Variants in GDPD1 observed in about 807,000 individuals in gnomAD.
GDPD1 encodes lysophospholipase D GDPD1.
Under a neutral mutation model 45.1 loss-of-function variants are expected in GDPD1, and 28 were observed. That is an observed-to-expected ratio of 0.62 (90% CI 0.46 to 0.85). The LOEUF is 0.85. GDPD1 is among the 40% of genes least tolerant of loss of function. The probability of loss-of-function intolerance (pLI) is 0.00; values close to 1 mark genes in which losing one functional copy is unlikely to be tolerated. For missense variants in GDPD1, 256 were observed against 364.8 expected (o/e 0.70, Z 2.43); for synonymous variants, 139 against 131.4 (o/e 1.06, Z -0.40).
At chr17:59,251,594 G>T (rs1568345246) in intron 4 of GDPD1, among the ~76,000 whole-genome samples, 6 of 151,738 alleles carry the variant, frequency 4.0e-5, no homozygotes. Flanking sequence ...ACATCTGAAA[G>T]AAATAATAAT....
intron 6 of GDPD1, among the ~76,000 whole-genome samples, chr17:59,264,788 C>G (rs551071722): frequency 2.9e-4 from 44 of 152,062 alleles, no homozygotes; most frequent in Admixed American, 2.3e-3. Flanking sequence ...AACTTATTTA[C>G]TCTATTTTTT....
At chr17:59,255,024 A>T (rs1053094902) in intron 4 of GDPD1, among the ~76,000 whole-genome samples, 1 of 152,158 alleles carries the variant, frequency 6.6e-6, no homozygotes, top group Non-Finnish European at 1.5e-5. Context: ...TACAAGAAGT[A>T]TAGTAACAGA....
rs2047462319 is a variant in GDPD1, at chr17:59,274,026, A to G, written c.*253A>G. On this transcript the variant is annotated 3_prime_UTR_variant, in exon 10 of 10. Coordinates refer to ENST00000284116, the MANE Select transcript of GDPD1 (RefSeq NM_182569.4). ...ATGAGATGTAAGTTTTAATTTCTTA[A>G]TGTGCATTTTTGTTTCTAGATCTTA... 2 of 727,794 alleles carry G rather than the reference A, an allele frequency of 2.7e-6. No individual in the cohort carries two copies. The highest frequency in any genetic ancestry group is 3.4e-6 in the Non-Finnish European group (2 of 594,080). 45.1% of individuals were successfully genotyped at this position (727,794 alleles called of 1,614,324 possible).
intron 1 of GDPD1, among the ~76,000 whole-genome samples, chr17:59,222,167 G>A (rs953850566): frequency 2.6e-5 from 4 of 151,962 alleles, no homozygotes; most frequent in African/African-American, 7.2e-5. Context: ...TGTCACAGAA[G>A]CAATTTTCTT....
At chr17:59,225,160 C>T (rs1177932200) in intron 1 of GDPD1, among the ~76,000 whole-genome samples, 2 of 140,728 alleles carry the variant, frequency 1.4e-5, no homozygotes, top group African/African-American at 5.3e-5. Flanking sequence ...GGTATGATCT[C>T]GGCTCACTGC....
At chr17:59,268,903 T>G (rs1354855549) in intron 7 of GDPD1, among the ~76,000 whole-genome samples, 1 of 147,912 alleles carries the variant, frequency 6.8e-6, no homozygotes, top group African/African-American at 2.5e-5. Flanking sequence ...TTAGCCAGGC[T>G]CGCCTGAACA....
At chr17:59,264,350 G>T (rs1397631912) in intron 6 of GDPD1, among the ~76,000 whole-genome samples, 1 of 151,606 alleles carries the variant, frequency 6.6e-6, no homozygotes, top group East Asian at 1.9e-4. Flanking sequence ...CTGGGGTGCA[G>T]TGGCACGATC....
At position 59,275,230 on chromosome 17, in the gene GDPD1, G is replaced by T. The variant is rs190012675; in HGVS notation, c.*1457G>T. On this transcript the variant is annotated 3_prime_UTR_variant, in exon 10 of 10. Coordinates refer to ENST00000284116, the MANE Select transcript of GDPD1 (RefSeq NM_182569.4). ...CTTAGTTAAAGAGGAAAAATAAAAC[G>T]GAAAAAAGCTTGGAAATCAGTGATG... 6.6e-7 allele frequency: 1 copy of T among 1,522,684 alleles called. No homozygotes were observed. Among genetic ancestry groups the T allele is most frequent in the Non-Finnish European group, 8.8e-7 (1 of 1,134,304 alleles). 94.3% of individuals were successfully genotyped at this position (1,522,684 alleles called of 1,614,324 possible).
chr17:59,249,503 T>A (rs2047237282), intron 4 of GDPD1, among the ~76,000 whole-genome samples: 1 of 152,212 alleles, frequency 6.6e-6, no homozygotes, highest in Non-Finnish European at 1.5e-5. Flanking sequence ...TTTAGTTCTG[T>A]CTTTTAGCTG....
At chr17:59,257,717 G>T in intron 5 of GDPD1, 34 bp from the exon 6 acceptor site, 1 of 1,329,766 alleles carries the variant, frequency 7.5e-7, no homozygotes. Flanking sequence ...TTGCAAATAG[G>T]CACATGCATA....
intron 6 of GDPD1, among the ~76,000 whole-genome samples, chr17:59,263,990 A>T (rs2047379225): frequency 6.6e-6 from 1 of 151,750 alleles, no homozygotes; most frequent in African/African-American, 2.4e-5. Flanking sequence ...AGTATTTTTA[A>T]TTTAATTTTA....
chr17:59,241,102 A>G (rs1224064088), intron 2 of GDPD1, among the ~76,000 whole-genome samples: 1 of 152,206 alleles, frequency 6.6e-6, no homozygotes, highest in Admixed American at 6.5e-5. Flanking sequence ...TATAACATAG[A>G]TGTTTAAATA....
At chr17:59,264,125 A>G (rs1381351093) in intron 6 of GDPD1, among the ~76,000 whole-genome samples, 1 of 152,018 alleles carries the variant, frequency 6.6e-6, no homozygotes, top group African/African-American at 2.4e-5. Flanking sequence ...CAGCCTCCTG[A>G]GTAGCTGGGA....
At position 59,230,370 on chromosome 17, in the gene GDPD1, A is replaced by ATTTTTTTT. The variant is rs942416287; in HGVS notation, c.143-4099_143-4092dup. On this transcript the variant is annotated intron_variant, in intron 1 of 9. Transcript: ENST00000284116. ...GAATATTGAACAGGCCAGTTGTAGA[A>ATTTTTTTT]TTTTTTTTTTTTTTTTTTTTTTTTT... Among the ~76,000 whole-genome samples, 169 of 80,078 alleles carry ATTTTTTTT rather than the reference A, an allele frequency of 2.1e-3. 16 individuals are homozygous for ATTTTTTTT. The highest frequency in any genetic ancestry group is 0.011 in the African/African-American group (157 of 14,828). 52.5% of individuals were successfully genotyped at this position (80,078 alleles called of 152,430 possible). A position where few individuals can be genotyped will look rare whatever the true frequency, so the allele number is the denominator to read the frequency against.
At chr17:59,261,166 A>G (rs866490025) in intron 6 of GDPD1, among the ~76,000 whole-genome samples, 10 of 152,136 alleles carry the variant, frequency 6.6e-5, no homozygotes, top group Admixed American at 2.6e-4. Flanking sequence ...GGGTTTCGCC[A>G]TGTTGGCCAG....
intron 4 of GDPD1, among the ~76,000 whole-genome samples, chr17:59,256,295 C>T (rs1433811608): frequency 6.6e-6 from 1 of 151,510 alleles, no homozygotes; most frequent in Non-Finnish European, 1.5e-5. Context: ...CCAGTCTGGG[C>T]GACAGAGTGA....
intron 6 of GDPD1, among the ~76,000 whole-genome samples, chr17:59,265,094 G>T (rs1038487990): frequency 1.3e-5 from 2 of 152,124 alleles, no homozygotes; most frequent in Non-Finnish European, 2.9e-5. Context: ...ACCCGCCTTG[G>T]CCTCCCAAAG....
intron 2 of GDPD1, among the ~76,000 whole-genome samples, chr17:59,239,820 C>T (rs1428923714): frequency 1.3e-5 from 2 of 151,334 alleles, no homozygotes; most frequent in Middle Eastern, 3.4e-3. Context: ...TTTAACCTCC[C>T]CCTCTCCAGC....
At position 59,245,591 on chromosome 17, in the gene GDPD1, G is replaced by A. The variant is rs368467762; in HGVS notation, c.321+42G>A. 866 of 1,501,140 alleles carry A rather than the reference G, an allele frequency of 5.8e-4. 2 individuals are homozygous for A. The highest frequency in any genetic ancestry group is 6.0e-4 in the Non-Finnish European group (666 of 1,111,472). The allele number at this position is 1,501,140 out of a possible 1,614,324, so 93.0% of individuals were successfully genotyped here. ...GATAAACTAATATCTAATAGATGTC[G>A]CGGCCTATAAGATTTTTTTTAAAAT... On this transcript the variant is annotated intron_variant, in intron 3 of 9. Transcript: ENST00000284116.
Sources: gnomAD v4.1 joint callset for allele counts (sites outside exome capture counted in the v4.1 genomes callset) on GRCh38, gnomAD v4.1.1 for gene constraint, MANE v1.5 for transcripts, NCBI Gene and HGNC (gene_info 2026-07-23, HGNC 2026-07-21) for gene names.